The following FHOD3 variants were observed in gnomAD, a reference collection of about 807,000 sequenced individuals.
FHOD3 encodes formin homology 2 domain containing 3.
FHOD3 carries 90 observed loss-of-function variants against 173.0 expected under a neutral mutation model. The ratio of observed to expected loss-of-function variants is 0.52; its 90% confidence interval spans 0.44 to 0.62. The LOEUF is 0.62. FHOD3 is among the 20% of genes least tolerant of loss of function. FHOD3 has a pLI of 0.00. For synonymous variants in FHOD3, 828 were observed against 823.0 expected, an observed-to-expected ratio of 1.01 and a Z score of -0.10; for missense variants, 1,945 against 2,034.7, an observed-to-expected ratio of 0.96 and a Z score of 0.85.
chr18:36,440,715 T>C (rs2051094729), intron 3 of FHOD3, among the ~76,000 whole-genome samples: 1 of 152,222 alleles, frequency 6.6e-6, no homozygotes, highest in African/African-American at 2.4e-5. Context: ...ACCCAATACA[T>C]AATAAACTCT....
intron 3 of FHOD3, among the ~76,000 whole-genome samples, chr18:36,426,858 C>T (rs1403990194): frequency 6.6e-6 from 1 of 151,962 alleles, no homozygotes; most frequent in Non-Finnish European, 1.5e-5. Context: ...AAGAGTGTGC[C>T]CTAAGTCACA....
chr18:36,721,208 A>C (rs1290413188), intron 19 of FHOD3, among the ~76,000 whole-genome samples: 1 of 152,258 alleles, frequency 6.6e-6, no homozygotes, highest in Non-Finnish European at 1.5e-5. Flanking sequence ...TTGGACGAAA[A>C]GTTTACCAAA....
chr18:36,392,978 A>C (rs773607743), intron 3 of FHOD3, among the ~76,000 whole-genome samples: 20 of 152,358 alleles, frequency 1.3e-4, no homozygotes, highest in Admixed American at 9.8e-4. Context: ...GTCCTTTGCC[A>C]ACTGGAAGCA....
chr18:36,454,721 G>T (rs781658018), intron 3 of FHOD3, among the ~76,000 whole-genome samples: 3 of 151,688 alleles, frequency 2.0e-5, no homozygotes, highest in Non-Finnish European at 4.4e-5. Context: ...CTCTGTCTGG[G>T]CTTCATCTCC....
chr18:36,663,464 G>C (rs1371443600), intron 14 of FHOD3, among the ~76,000 whole-genome samples: 1 of 152,166 alleles, frequency 6.6e-6, no homozygotes, highest in Non-Finnish European at 1.5e-5. Flanking sequence ...ATGGTCACTG[G>C]AATACAACTG....
intron 23 of FHOD3, among the ~76,000 whole-genome samples, 190 bp downstream of exon 23, chr18:36,744,383 C>A (rs1191566440): frequency 1.3e-5 from 2 of 152,230 alleles, no homozygotes. Flanking sequence ...TTTTTCCTAT[C>A]TCTGGTTCTC....
chr18:36,384,025 G>C (rs1363648701), intron 3 of FHOD3, among the ~76,000 whole-genome samples: 2 of 152,206 alleles, frequency 1.3e-5, no homozygotes, highest in African/African-American at 4.8e-5. Flanking sequence ...CTGAGAAGCA[G>C]TGTGACCTTG....
At chr18:36,682,312 T>A (rs2038302112) in intron 15 of FHOD3, among the ~76,000 whole-genome samples, 1 of 152,156 alleles carries the variant, frequency 6.6e-6, no homozygotes, top group Admixed American at 6.5e-5. Context: ...ACACATTACT[T>A]CCTTCTCCTC....
intron 1 of FHOD3, among the ~76,000 whole-genome samples, chr18:36,305,003 A>G (rs1181565776): frequency 6.6e-6 from 1 of 152,074 alleles, no homozygotes; most frequent in Non-Finnish European, 1.5e-5. Flanking sequence ...TGATGCTTTA[A>G]TGTACATGAA....
At chr18:36,663,020 G>T (rs371550979) in intron 14 of FHOD3, among the ~76,000 whole-genome samples, 1 of 152,034 alleles carries the variant, frequency 6.6e-6, no homozygotes, top group East Asian at 1.9e-4. Flanking sequence ...TTTTCTCATT[G>T]TTCTTTTTTA....
At chr18:36,496,849 TA>T (rs1238045470) in intron 3 of FHOD3, among the ~76,000 whole-genome samples, 3 of 152,120 alleles carry the variant, frequency 2.0e-5, no homozygotes, top group African/African-American at 4.8e-5. Flanking sequence ...GTATGAAGGA[TA>T]AAAAAAGTTA....
chr18:36,651,758 A>AC (rs2036068580), intron 11 of FHOD3, among the ~76,000 whole-genome samples: 1 of 152,136 alleles, frequency 6.6e-6, no homozygotes, highest in South Asian at 2.1e-4. Context: ...CTCAAAAAAA[A>AC]AAAATGTATA....
chr18:36,607,209 A>G (rs767527249), intron 8 of FHOD3, among the ~76,000 whole-genome samples: 1 of 152,174 alleles, frequency 6.6e-6, no homozygotes, highest in Non-Finnish European at 1.5e-5. Flanking sequence ...TTTTAGATCT[A>G]GGTTGAGGTC....
At chr18:36,438,633 C>T (rs1193717719) in intron 3 of FHOD3, among the ~76,000 whole-genome samples, 1 of 152,204 alleles carries the variant, frequency 6.6e-6, no homozygotes, top group African/African-American at 2.4e-5. Context: ...GACCCAGAGG[C>T]CTGGCCATCT....
intron 1 of FHOD3, among the ~76,000 whole-genome samples, chr18:36,302,216 G>C (rs893488815): frequency 9.9e-5 from 15 of 152,150 alleles, no homozygotes; most frequent in Non-Finnish European, 2.2e-4. Context: ...GATTAGCCTT[G>C]AGTGTACTGT....
intron 2 of FHOD3, among the ~76,000 whole-genome samples, chr18:36,361,541 C>T (rs1280132189): frequency 6.6e-6 from 1 of 151,886 alleles, no homozygotes; most frequent in African/African-American, 2.4e-5. Context: ...AAAAAATTAG[C>T]TGGGCGTGGT....
At chr18:36,316,030 T>C (rs1188160427) in intron 1 of FHOD3, among the ~76,000 whole-genome samples, 2 of 150,840 alleles carry the variant, frequency 1.3e-5, no homozygotes, top group African/African-American at 4.9e-5. Flanking sequence ...GAAGGAGGGG[T>C]GGCCCCGGGC....
chr18:36,495,346 A>T (rs1363879477), intron 3 of FHOD3, among the ~76,000 whole-genome samples: 1 of 151,886 alleles, frequency 6.6e-6, no homozygotes, highest in Admixed American at 6.6e-5. Context: ...TTTCCACCTG[A>T]GTCTGGGATG....
chr18:36,442,473 C>A (rs567855828), intron 3 of FHOD3, among the ~76,000 whole-genome samples: 1 of 152,286 alleles, frequency 6.6e-6, no homozygotes, highest in African/African-American at 2.4e-5. Context: ...TCAGGATTGA[C>A]ACACACATTT....
Sources: gnomAD v4.1 joint callset for allele counts (sites outside exome capture counted in the v4.1 genomes callset) on GRCh38, gnomAD v4.1.1 for gene constraint, MANE v1.5 for transcripts, NCBI Gene and HGNC (gene_info 2026-07-23, HGNC 2026-07-21) for gene names.